DENND3: variants seen among roughly 807,000 people sequenced by gnomAD.
DENND3 encodes DENN domain-containing protein 3.
In DENND3, 88 loss-of-function variants were observed where a neutral mutation model predicts 135.1. The ratio of observed to expected loss-of-function variants is 0.65; its 90% CI spans 0.55 to 0.78. The LOEUF is 0.78. Among genes scored for constraint, DENND3 ranks in the 30% least tolerant of loss-of-function variants. The probability of loss-of-function intolerance (pLI) is 0.00; values close to 1 mark genes in which losing one functional copy is unlikely to be tolerated. For synonymous variants in DENND3, 693 were observed against 712.3 expected (o/e 0.97, Z 0.43); for missense variants, 1,392 against 1,688.4 (o/e 0.82, Z 3.08).
At chr8:141,193,026 C>T in intron 22 of DENND3, 1 of 644,348 alleles carries the variant, frequency 1.6e-6, no homozygotes, top group Non-Finnish European at 2.2e-6. Context: ...TCTCCCCCAC[C>T]CGCTCATGTG....
intron 6 of DENND3, 44 bp from the exon 7 acceptor site, chr8:141,151,575 T>A: frequency 6.4e-7 from 1 of 1,573,084 alleles, no homozygotes; most frequent in Non-Finnish European, 8.7e-7. Context: ...GTATTTTTTT[T>A]TTTTTTAAAA....
Position 141,175,558 on chromosome 8 carries a change from C to A in DENND3, c.2535+99C>A. On this transcript the variant is annotated intron_variant, in intron 14 of 22. Coordinates refer to ENST00000519811, the MANE Select transcript of DENND3 (RefSeq NM_001352890.3). This position sits in a 1 kb window ranked among gnomAD's most constrained non-coding sequence, Gnocchi z 5.4. ...GCAGTCTGCCAGCCATGCCAAGTAC[C>A]AGCTGCAGCCCTTCTGCAGACCGAA... 6.3e-7 allele frequency: 1 copy of A among 1,584,776 alleles called. No homozygotes were observed. The highest frequency in any genetic ancestry group is 8.6e-7 in the Non-Finnish European group (1 of 1,160,670).
intron 6 of DENND3, 25 bp downstream of exon 6, chr8:141,150,978 G>A (rs1410405848): frequency 4.7e-6 from 7 of 1,502,906 alleles, no homozygotes; most frequent in East Asian, 4.8e-5. Flanking sequence ...CCCGGCGAGC[G>A]CGTCTTGTGC....
At chr8:141,181,126 C>T (rs531079386) in intron 17 of DENND3, among the ~76,000 whole-genome samples, 4 of 152,310 alleles carry the variant, frequency 2.6e-5, no homozygotes, top group South Asian at 2.1e-4. Flanking sequence ...CCAGGGCTGC[C>T]GTCCCTCACC....
In DENND3 at chr8:141,148,263, C is replaced by G. The variant is rs113561943; in HGVS notation, c.736-2571C>G. Among the ~76,000 whole-genome samples the G allele has an allele frequency of 3.4e-3, 521 of 152,160 alleles. 1 individual carries two copies. The highest frequency in any genetic ancestry group is 6.3e-3 in the Admixed American group (97 of 15,292). On this transcript the variant is annotated intron_variant, in intron 5 of 22. Coordinates refer to ENST00000519811, the MANE Select transcript of DENND3 (RefSeq NM_001352890.3). ...TGGAAAGGAGGGAGGAGGGAGGGGG[C>G]CCCATGGCACAGGGGGTAGAGGACA...
Position 141,168,000 on chromosome 8 carries a change from T to C in DENND3, c.1754-4T>C, listed in dbSNP as rs1821025158. 8 of 1,604,262 alleles carry C rather than the reference T, an allele frequency of 5.0e-6. No homozygotes were observed. The East Asian group carries it at 1.8e-4, about 36-fold the overall frequency. On this transcript the variant is annotated splice_region_variant and splice_polypyrimidine_tract_variant and intron_variant, in intron 12 of 22. Coordinates refer to ENST00000519811, the MANE Select transcript of DENND3 (RefSeq NM_001352890.3). The surrounding 1 kb of genome is among the most constrained non-coding windows in gnomAD (Gnocchi z 4.1). ...TGGTCTCCTTTTCCCCCTGAATGTT[T>C]TAGTTCTGAATGTCACGCCGAAGTC...
chr8:141,169,702 C>T (rs780199638), intron 13 of DENND3, among the ~76,000 whole-genome samples: 7 of 152,202 alleles, frequency 4.6e-5, no homozygotes, highest in African/African-American at 1.7e-4. Flanking sequence ...ATGCACCTGA[C>T]GCGGTACCTA....
chr8:141,181,678 T>G (rs1823126769), intron 17 of DENND3, among the ~76,000 whole-genome samples: 1 of 152,218 alleles, frequency 6.6e-6, no homozygotes, highest in Admixed American at 6.5e-5. Context: ...TAATTTTGGC[T>G]TATGGACAGT....
In DENND3 at chr8:141,151,060, G is replaced by A. The variant is rs371894885; in HGVS notation, c.855+107G>A. ...ATGCGAGTTTATTCCACAATGCACC[G>A]ACTGGTATACTCGAAATGTTTATTA... On this transcript the variant is annotated intron_variant, in intron 6 of 22. Coordinates refer to ENST00000519811, the MANE Select transcript of DENND3 (RefSeq NM_001352890.3). 2.3e-4 allele frequency: 321 copies of A among 1,383,030 alleles called. No homozygotes were observed. The African/African-American group carries it at 4.1e-3, about 18-fold the overall frequency. 85.7% of individuals were successfully genotyped at this position (1,383,030 alleles called of 1,614,324 possible). A position where few individuals can be genotyped will look rare whatever the true frequency, so the allele number is the denominator to read the frequency against.
rs1384997526 is a variant in DENND3 at position 141,175,831 on chromosome 8, G to T, written c.2535+372G>T. ...TGAGAAACTGCCATGTGCCAGCCAC[G>T]GTGAGCTACAGTAGCTCACATTTTC... On this transcript the variant is annotated intron_variant, in intron 14 of 22. Transcript: ENST00000519811. The surrounding 1 kb of genome is among the most constrained non-coding windows in gnomAD (Gnocchi z 5.4). The T allele has an allele frequency of 1.3e-5, 4 of 313,296 alleles. No homozygotes were observed. The highest frequency in any genetic ancestry group is 2.5e-5 in the Non-Finnish European group (4 of 160,934). 19.4% of individuals were successfully genotyped at this position (313,296 alleles called of 1,614,324 possible).
intron 5 of DENND3, 84 bp from the exon 6 acceptor site, chr8:141,150,749 TG>T: frequency 6.9e-7 from 1 of 1,457,474 alleles, no homozygotes; most frequent in Non-Finnish European, 9.1e-7. Flanking sequence ...TCTGATGCCC[TG>T]GGCACCGAAA....
Position 141,137,977 on chromosome 8 carries a change from C to A in DENND3, c.386-45C>A, listed in dbSNP as rs369404169. Reference sequence around the variant, plus strand: ...AAATCAGCTCGTGGGTAACCCAGGCCACTTGGCAAGAACAGGATTCTTCTC... The same window carrying A: ...AAATCAGCTCGTGGGTAACCCAGGCAACTTGGCAAGAACAGGATTCTTCTC... On this transcript the variant is annotated intron_variant, in intron 2 of 22. Coordinates refer to ENST00000519811, the MANE Select transcript of DENND3 (RefSeq NM_001352890.3). The surrounding 1 kb of genome is among the most constrained non-coding windows in gnomAD (Gnocchi z 4.1). The A allele has an allele frequency of 1.3e-6, 2 of 1,551,928 alleles. No individual in the cohort carries two copies. Among genetic ancestry groups the A allele is most frequent in the East Asian group, 4.8e-5 (2 of 41,474 alleles).
rs770365068 is a variant in DENND3 at position 141,160,684 on chromosome 8, A to G, written c.1249A>G (p.Ser417Gly). The change falls in exon 9 of 23, where the codon AGC becomes GGC. Residue 417 changes from serine (S) to glycine (G), a missense_variant. By Grantham distance (56) the Ser-to-Gly change is moderately conservative. Coordinates refer to ENST00000519811, the MANE Select transcript of DENND3 (RefSeq NM_001352890.3). Reference sequence around the variant, plus strand: ...GCTGCACGCCGCCCACCTCCTCTCCAGCACAGACCTGAAGGAGGGCCGAGC... The same window carrying G: ...GCTGCACGCCGCCCACCTCCTCTCCGGCACAGACCTGAAGGAGGGCCGAGC... ...HELHAAHLLS[S>G]TDLKEGRAHR... 6.2e-7 allele frequency: 1 copy of G among 1,613,314 alleles called. No individual in the cohort carries two copies. The highest frequency in any genetic ancestry group is 8.5e-7 in the Non-Finnish European group (1 of 1,179,802).
rs1199153351 is a variant in DENND3 at position 141,182,272 on chromosome 8, G to C, written c.2944+1418G>C. On this transcript the variant is annotated intron_variant, in intron 17 of 22. Coordinates refer to ENST00000519811, the MANE Select transcript of DENND3 (RefSeq NM_001352890.3). The surrounding 1 kb of genome is among the most constrained non-coding windows in gnomAD (Gnocchi z 5.9). Reference sequence around the variant, plus strand: ...CATGCTTCAGGTGGGCAGAGAAGCTGTGTGTGAAGCGATTTCCCCATAAGA... The same window carrying C: ...CATGCTTCAGGTGGGCAGAGAAGCTCTGTGTGAAGCGATTTCCCCATAAGA... 1.0e-6 allele frequency: 1 copy of C among 981,662 alleles called. No homozygotes were observed. The highest frequency in any genetic ancestry group is 1.2e-6 in the Non-Finnish European group (1 of 826,656). 60.8% of individuals were successfully genotyped at this position (981,662 alleles called of 1,614,324 possible).
intron 16 of DENND3, among the ~76,000 whole-genome samples, chr8:141,179,559 G>C (rs1251005118): frequency 6.6e-6 from 1 of 152,204 alleles, no homozygotes; most frequent in African/African-American, 2.4e-5. Context: ...TAATTTAGTA[G>C]CTTATGGCCA....
Position 141,134,411 on chromosome 8 carries a change from C to CA in DENND3, c.103-2097dup, listed in dbSNP as rs770992785. Among the ~76,000 whole-genome samples the CA allele has an allele frequency of 9.6e-4, 145 of 151,828 alleles. 3 individuals carry two copies. The highest frequency in any genetic ancestry group is 1.9e-4 in the Non-Finnish European group (13 of 67,958). ...CCGGGTTCACGCCATTCTCCTGCCTCAGCCTCTCCGAGTAGCTGGGACTAC... is the reference window on the plus strand; with the variant it reads ...CCGGGTTCACGCCATTCTCCTGCCTCAAGCCTCTCCGAGTAGCTGGGACTAC... On this transcript the variant is annotated intron_variant, in intron 1 of 22. Transcript: ENST00000519811.
chr8:141,151,601 G>A lies in DENND3; in HGVS notation c.856-18G>A, dbSNP rs1011487666. On this transcript the variant is annotated intron_variant, in intron 6 of 22. Transcript: ENST00000519811. ...TTTTTTAAAAGCATGTACTCAGTGC[G>A]GCGGGTTCTCCCCTCAGATCCTGAC... is the stretch of plus-strand genomic sequence containing the variant. 4.3e-6 allele frequency: 7 copies of A among 1,609,848 alleles called. No individual in the cohort carries two copies. Among genetic ancestry groups the A allele is most frequent in the African/African-American group, 1.3e-5 (1 of 74,654 alleles).
Position 141,175,426 on chromosome 8 carries a change from C to T in DENND3, c.2502C>T (p.Gly834=). ...TCCTCCTAACCGAAGGAAGGCCAGG[C>T]TACTTGGAGATTTCCACCTTCAGAA... ...RLFLLTEGRP[G]YLEISTFRNI... Residue 834 remains glycine (G), a synonymous_variant, in exon 14 of 23, where the codon GGC becomes GGT. Transcript: ENST00000519811. The surrounding 1 kb of genome is among the most constrained non-coding windows in gnomAD (Gnocchi z 5.4). 1 of 1,614,172 alleles carries T rather than the reference C, an allele frequency of 6.2e-7. No homozygotes were observed. Among genetic ancestry groups the T allele is most frequent in the Non-Finnish European group, 8.5e-7 (1 of 1,180,020 alleles).
chr8:141,168,813 A>G lies in DENND3; in HGVS notation c.2275+288A>G, dbSNP rs1190025108. Among the ~76,000 whole-genome samples the G allele has an allele frequency of 2.0e-5, 3 of 151,946 alleles. No homozygotes were observed. Among genetic ancestry groups the G allele is most frequent in the Non-Finnish European group, 4.4e-5 (3 of 67,982 alleles). ...TGATCCACCCACCTCGGCCTCCCTA[A>G]GTGCTGAGATTACAAGAGTGAGCCT... On this transcript the variant is annotated intron_variant, in intron 13 of 22. Transcript: ENST00000519811. This position sits in a 1 kb window ranked among gnomAD's most constrained non-coding sequence, Gnocchi z 6.2.
Sources: allele counts gnomAD v4.1 joint callset (sites outside exome capture counted in the v4.1 genomes callset), GRCh38; gene constraint gnomAD v4.1.1; non-coding constraint Gnocchi (gnomAD v3.1); transcripts MANE v1.5; gene names NCBI Gene and HGNC (gene_info 2026-07-23, HGNC 2026-07-21).